IFT81: variants seen among roughly 807,000 people sequenced by gnomAD.
The protein encoded by IFT81 is intraflagellar transport protein 81 homolog.
In IFT81, 72 loss-of-function variants were observed where a neutral mutation model predicts 102.6. The ratio of observed to expected loss-of-function variants is 0.70; its 90% CI spans 0.58 to 0.85. The LOEUF (loss-of-function observed/expected upper bound fraction) is 0.85. Among genes scored for constraint, IFT81 ranks in the 40% least tolerant of loss-of-function variants. The pLI, the probability that IFT81 is intolerant of heterozygous loss-of-function variation, is 0.00. For missense variants in IFT81, 723 were observed against 787.3 expected, an observed-to-expected ratio of 0.92 and a Z score of 0.98; for synonymous variants, 237 against 242.7, an observed-to-expected ratio of 0.98 and a Z score of 0.22.
chr12:110,144,863 C>CTTT (rs34675452), intron 9 of IFT81, among the ~76,000 whole-genome samples: 16 of 93,084 alleles, frequency 1.7e-4, no homozygotes, highest in Non-Finnish European at 2.4e-4. Flanking sequence ...GGTGCAGTGC[C>CTTT]TTTTTTTTTT....
rs967518613 is a variant in IFT81 at position 110,171,742 on chromosome 12, A to G, written c.1188+8677A>G. 3.9e-5 allele frequency among the ~76,000 whole-genome samples: 6 copies of G among 152,242 alleles called. 1 individual carries two copies. The highest frequency in any genetic ancestry group is 1.4e-4 in the African/African-American group (6 of 41,466). On this transcript the variant is annotated intron_variant, in intron 11 of 18. Transcript: ENST00000242591. ...AAACAAAGAGCAACTCTGAGACCAGACTTCAGGGAATCCAAATAATTTATT... is the reference window on the plus strand; with the variant it reads ...AAACAAAGAGCAACTCTGAGACCAGGCTTCAGGGAATCCAAATAATTTATT...
chr12:110,213,587 CATTCTTCATTTATTGACTGGAATA>C (rs1468884942), intron 18 of IFT81, among the ~76,000 whole-genome samples: 6 of 152,168 alleles, frequency 3.9e-5, no homozygotes, highest in African/African-American at 1.4e-4. Flanking sequence ...TTATGTCATT[CATTCTTCATTTATTGACTGGAATA>C]ATTCTGTAAA....
intron 11 of IFT81, among the ~76,000 whole-genome samples, chr12:110,179,773 T>TATATACACACACACACAC (rs774113734): frequency 2.0e-5 from 1 of 50,484 alleles, no homozygotes; most frequent in Non-Finnish European, 4.1e-5. Flanking sequence ...TATATATATA[T>TATATACACACACACACAC]ACACACACAC....
chr12:110,206,850 T>C (rs1593374094), intron 17 of IFT81, among the ~76,000 whole-genome samples: 1 of 152,280 alleles, frequency 6.6e-6, no homozygotes, highest in African/African-American at 2.4e-5. Flanking sequence ...TTTCATTGTA[T>C]GTAAACTTTG....
chr12:110,186,555 C>A (rs896153015), intron 12 of IFT81, among the ~76,000 whole-genome samples: 1 of 151,816 alleles, frequency 6.6e-6, no homozygotes, highest in Non-Finnish European at 1.5e-5. Flanking sequence ...ACTCTGTTGC[C>A]CAGGCTGGAG....
intron 10 of IFT81, 21 bp from the exon 11 acceptor site, chr12:110,162,898 T>G: frequency 6.3e-7 from 1 of 1,581,620 alleles, no homozygotes; most frequent in Non-Finnish European, 8.6e-7. Flanking sequence ...TATTATACCT[T>G]CATATTTAAT....
intron 12 of IFT81, among the ~76,000 whole-genome samples, chr12:110,185,167 G>GT (rs1294217925): frequency 4.6e-5 from 7 of 152,062 alleles, no homozygotes; most frequent in African/African-American, 1.7e-4. Flanking sequence ...ACCCTTGACT[G>GT]ATTACAGTCT....
rs1898433725 is a variant in IFT81, at chr12:110,203,903, G to C, written c.1597G>C (p.Asp533His). The part of the protein sequence containing the change: ...QECDEKKSQY[D>H]SCAAGLESNR... ...GTGTGATGAAAAGAAATCCCAGTAT[G>C]ATAGCTGTGCAGCAGGCCTCGAAAG... Residue 533 changes from aspartate (D) to histidine (H), a missense_variant, in exon 15 of 19, where the codon GAT becomes CAT. Transcript: ENST00000242591. The C allele has an allele frequency of 6.2e-7, 1 of 1,613,586 alleles. No individual in the cohort carries two copies.
intron 11 of IFT81, among the ~76,000 whole-genome samples, chr12:110,173,792 T>C: frequency 6.6e-6 from 1 of 152,076 alleles, no homozygotes; most frequent in East Asian, 1.9e-4. Context: ...TCATCACCAC[T>C]CCCTAATCTC....
chr12:110,210,644 T>C (rs1009429408), intron 18 of IFT81, among the ~76,000 whole-genome samples: 1 of 150,748 alleles, frequency 6.6e-6, no homozygotes, highest in Admixed American at 6.6e-5. Flanking sequence ...GAGGCTAAGG[T>C]GGGAGGATTG....
chr12:110,184,084 C>T (rs1897415359), intron 12 of IFT81, among the ~76,000 whole-genome samples: 1 of 152,182 alleles, frequency 6.6e-6, no homozygotes, highest in Admixed American at 6.5e-5. Context: ...GGCATGGTGG[C>T]TCACGCCTGT....
intron 11 of IFT81, among the ~76,000 whole-genome samples, chr12:110,165,227 T>G (rs903338432): frequency 6.6e-6 from 1 of 152,142 alleles, no homozygotes; most frequent in Admixed American, 6.6e-5. Flanking sequence ...GAACAGAAGG[T>G]ATCGGGGAAC....
chr12:110,191,193 CAG>C, intron 13 of IFT81, 145 bp downstream of exon 13: 3 of 707,512 alleles, frequency 4.2e-6, no homozygotes, highest in Middle Eastern at 4.4e-4. Context: ...CTTTTTGAGG[CAG>C]AGTCTCACTC....
chr12:110,146,618 C>G (rs770685062), intron 9 of IFT81, among the ~76,000 whole-genome samples: 7 of 152,106 alleles, frequency 4.6e-5, no homozygotes, highest in Non-Finnish European at 7.4e-5. Flanking sequence ...GTAATCATAA[C>G]AAGCTCCCCA....
At chr12:110,158,835 G>A (rs1481050344) in intron 10 of IFT81, among the ~76,000 whole-genome samples, 1 of 152,010 alleles carries the variant, frequency 6.6e-6, no homozygotes, top group African/African-American at 2.4e-5. Flanking sequence ...TGATCCACCC[G>A]CCTCAGCCTC....
At chr12:110,173,712 A>C (rs1440400480) in intron 11 of IFT81, among the ~76,000 whole-genome samples, 2 of 152,214 alleles carry the variant, frequency 1.3e-5, no homozygotes, top group Non-Finnish European at 2.9e-5. Context: ...ACTCAGGGTT[A>C]AATGGATTAA....
At chr12:110,174,384 G>A (rs2137491080) in intron 11 of IFT81, among the ~76,000 whole-genome samples, 1 of 150,660 alleles carries the variant, frequency 6.6e-6, no homozygotes, top group African/African-American at 2.4e-5. Context: ...GAACCTGGGA[G>A]GCGGAGGTTG....
At chr12:110,161,133 A>G (rs181837828) in intron 10 of IFT81, among the ~76,000 whole-genome samples, 1 of 130,912 alleles carries the variant, frequency 7.6e-6, no homozygotes, top group African/African-American at 2.8e-5. Flanking sequence ...CTTCTTCACC[A>G]CTTTTTTTTT....
At chr12:110,213,502 A>G (rs551110828) in intron 18 of IFT81, among the ~76,000 whole-genome samples, 1 of 152,326 alleles carries the variant, frequency 6.6e-6, no homozygotes, top group African/African-American at 2.4e-5. Flanking sequence ...CTTTCTTCTT[A>G]TGATGTAGAC....
Sources: gnomAD v4.1 joint callset for allele counts (sites outside exome capture counted in the v4.1 genomes callset) on GRCh38, gnomAD v4.1.1 for gene constraint, MANE v1.5 for transcripts, NCBI Gene and HGNC (gene_info 2026-07-23, HGNC 2026-07-21) for gene names.